The following TLCD1 variants were observed in gnomAD, a reference collection of about 807,000 sequenced individuals.
The protein encoded by TLCD1 is TLC domain containing 1, also known as TLC domain-containing protein 1.
Under a neutral mutation model 21.2 loss-of-function variants are expected in TLCD1, and 21 were observed. That is an observed-to-expected ratio of 0.99 (90% CI 0.70 to 1.42). The LOEUF (loss-of-function observed/expected upper bound fraction) is 1.42. Among genes scored for constraint, TLCD1 ranks in the 40% most tolerant of loss-of-function variants. The probability of loss-of-function intolerance (pLI) is 0.00; values close to 1 mark genes in which losing one functional copy is unlikely to be tolerated. For missense variants in TLCD1, 344 were observed against 330.3 expected (o/e 1.04, Z -0.32); for synonymous variants, 168 against 134.8 (o/e 1.25, Z -1.71).
In TLCD1 at chr17:28,726,047, C is replaced by T. The variant is rs771035141; in HGVS notation, c.51G>A (p.Leu17=). The T allele has an allele frequency of 5.1e-6, 8 of 1,565,956 alleles. No homozygotes were observed. The South Asian group carries it at 8.2e-5, about 16-fold the overall frequency. The change falls in exon 1 of 4, where the codon CTG becomes CTA. Residue 17 remains leucine (L), a synonymous_variant. Coordinates refer to ENST00000292090, the MANE Select transcript of TLCD1 (RefSeq NM_138463.4). ...PALPLLLGAT[L]TFRALRRALC... Reference sequence around the variant, plus strand: ...GCGCGCGCCGGAGCGCCCGGAAGGTCAGCGTGGCGCCCAGGAGCAGCGGCA... The same window carrying T: ...GCGCGCGCCGGAGCGCCCGGAAGGTTAGCGTGGCGCCCAGGAGCAGCGGCA...
Position 28,724,680 on chromosome 17 carries a change from G to T in TLCD1, c.574C>A (p.His192Asn), listed in dbSNP as rs2034181700. ...FRLAPQAYLT[H>N]FFLRYVNQRT... ...TGGTTCACATAACGCAAGAAGAAATGGGTGAGGTAGGCCTGAGGGGCCAGG... is the reference window on the plus strand; with the variant it reads ...TGGTTCACATAACGCAAGAAGAAATTGGTGAGGTAGGCCTGAGGGGCCAGG... Residue 192 changes from histidine (H) to asparagine (N), a missense_variant, in exon 4 of 4, where the codon CAT becomes AAT. His to Asn is a moderately conservative substitution (Grantham distance 68). Coordinates refer to ENST00000292090, the MANE Select transcript of TLCD1 (RefSeq NM_138463.4). 6.2e-7 allele frequency: 1 copy of T among 1,614,156 alleles called. No homozygotes were observed. The highest frequency in any genetic ancestry group is 8.5e-7 in the Non-Finnish European group (1 of 1,179,992).
upstream of TLCD1, among the ~76,000 whole-genome samples, chr17:28,726,539 C>G (rs1439638996): frequency 6.6e-6 from 1 of 152,064 alleles, no homozygotes; most frequent in East Asian, 1.9e-4. Flanking sequence ...CCCACTTTTC[C>G]CCGGGCCACC....
chr17:28,724,886 C>T lies in TLCD1; in HGVS notation c.368G>A (p.Gly123Asp), dbSNP rs778928878. 1.2e-6 allele frequency: 2 copies of T among 1,613,022 alleles called. No homozygotes were observed. The highest frequency in any genetic ancestry group is 8.5e-7 in the Non-Finnish European group (1 of 1,179,630). Residue 123 changes from glycine (G) to aspartate (D), a missense_variant, in exon 4 of 4, where the codon GGT becomes GAT. Coordinates refer to ENST00000292090, the MANE Select transcript of TLCD1 (RefSeq NM_138463.4). The part of the protein sequence containing the change: ...EYLVHHVMAM[G>D]AFFSGIFWSS... ...CCAAAAGATGCCGGAGAAGAAGGCA[C>T]CCATGGCCTAGAGGGAAGAAAGAAT...
rs1597799250 is a variant in TLCD1 at position 28,724,756 on chromosome 17, G to A, written c.498C>T (p.Leu166=). 5 of 1,614,186 alleles carry A rather than the reference G, an allele frequency of 3.1e-6. No individual in the cohort carries two copies. Among genetic ancestry groups the A allele is most frequent in the Non-Finnish European group, 4.2e-6 (5 of 1,180,046 alleles). ...MMKISNAQDH[L]LYRVNKYVNL... ...TCACATACTTGTTAACCCGGTAGAG[G>A]AGATGATCCTGGGCATTACTGATTT... Residue 166 remains leucine (L), a synonymous_variant, in exon 4 of 4, where the codon CTC becomes CTT. Coordinates refer to ENST00000292090, the MANE Select transcript of TLCD1 (RefSeq NM_138463.4).
At chr17:28,725,739 C>T (rs2034214559) in intron 1 of TLCD1, among the ~76,000 whole-genome samples, 165 bp downstream of exon 1, 1 of 152,236 alleles carries the variant, frequency 6.6e-6, no homozygotes, top group Admixed American at 6.5e-5. Flanking sequence ...ATCCCCCTCC[C>T]CTGGGGCCAC....
Position 28,724,485 on chromosome 17 carries a change from T to A in TLCD1, c.*25A>T, listed in dbSNP as rs779084433. On this transcript the variant is annotated 3_prime_UTR_variant, in exon 4 of 4. Transcript: ENST00000292090. ...GAAGCTGTTTCTGGCCTTGTCCGTT[T>A]TTGTTGTCCCAGGCTCTGTGCCCCT... The A allele has an allele frequency of 6.2e-6, 10 of 1,604,158 alleles. No homozygotes were observed. The highest frequency in any genetic ancestry group is 8.5e-6 in the Non-Finnish European group (10 of 1,173,206).
At position 28,724,498 on chromosome 17, in the gene TLCD1, G is replaced by C. The variant is rs745552368; in HGVS notation, c.*12C>G. On this transcript the variant is annotated 3_prime_UTR_variant, in exon 4 of 4. Transcript: ENST00000292090. ...GCCTTGTCCGTTTTTGTTGTCCCAGGCTCTGTGCCCCTCACTCAGTCAAGA... is the reference window on the plus strand; with the variant it reads ...GCCTTGTCCGTTTTTGTTGTCCCAGCCTCTGTGCCCCTCACTCAGTCAAGA... 3 of 1,610,338 alleles carry C rather than the reference G, an allele frequency of 1.9e-6. No homozygotes were observed. Among genetic ancestry groups the C allele is most frequent in the Admixed American group, 3.3e-5 (2 of 59,924 alleles).
At position 28,725,908 on chromosome 17, in the gene TLCD1, G is replaced by C; in HGVS notation, c.190C>G (p.Leu64Val). Residue 64 changes from leucine to valine, a missense_variant, in exon 1 of 4, where the codon CTG becomes GTG. Physicochemically the swap from Leu to Val is conservative, Grantham distance 32 (BLOSUM62 1). Coordinates refer to ENST00000292090, the MANE Select transcript of TLCD1 (RefSeq NM_138463.4). ...TTTCCACAGTCGCTCACTCACCACA[G>C]CAGTGCCCAGATCCCCGACACAATG... is the stretch of plus-strand genomic sequence containing the variant. Reference protein sequence around the residue: ...HSIVSGIWALLCVWQTPDMLV... With the variant: ...HSIVSGIWALVCVWQTPDMLV... 1 of 1,612,952 alleles carries C rather than the reference G, an allele frequency of 6.2e-7. No homozygotes were observed. The highest frequency in any genetic ancestry group is 8.5e-7 in the Non-Finnish European group (1 of 1,179,854).
chr17:28,725,161 C>A (rs950298210), intron 3 of TLCD1, 143 bp downstream of exon 3: 5 of 1,003,934 alleles, frequency 5.0e-6, no homozygotes, highest in Non-Finnish European at 7.3e-6. Flanking sequence ...GACTGCCAAC[C>A]TCCAGCATCC....
intron 1 of TLCD1, 97 bp from the exon 2 acceptor site, chr17:28,725,660 C>A: frequency 7.4e-7 from 1 of 1,358,788 alleles, no homozygotes; most frequent in Non-Finnish European, 1.0e-6. Flanking sequence ...CCTGGGCTCG[C>A]GCTAGTGGCT....
chr17:28,727,381 G>A (rs2034248553), upstream of TLCD1: 1 of 153,978 alleles, frequency 6.5e-6, no homozygotes, highest in African/African-American at 2.4e-5. Context: ...TCCTGGGTGA[G>A]CGGCTTTCCC....
chr17:28,725,778 A>G, intron 1 of TLCD1, 126 bp downstream of exon 1: 1 of 1,324,490 alleles, frequency 7.6e-7, no homozygotes, highest in Non-Finnish European at 1.0e-6. Context: ...AGGATACCAA[A>G]CGGGATCAGG....
At chr17:28,725,843 C>T (rs1292030075) in intron 1 of TLCD1, 61 bp downstream of exon 1, 34 of 1,564,048 alleles carry the variant, frequency 2.2e-5, no homozygotes, top group Non-Finnish European at 2.9e-5. Flanking sequence ...AACACAAGAG[C>T]CGGCCCCGGC....
upstream of TLCD1, chr17:28,726,267 C>A: frequency 8.2e-7 from 1 of 1,213,188 alleles, no homozygotes; most frequent in Non-Finnish European, 1.0e-6. Flanking sequence ...CCCTGCGAGG[C>A]CTCTGCCCCC....
rs760762807 is a variant in TLCD1 at position 28,725,349 on chromosome 17, G to C, written c.315C>G (p.Ser105Arg). Residue 105 changes from serine to arginine, a missense_variant, in exon 3 of 4, where the codon AGC becomes AGG. Physicochemically the swap from Ser to Arg is moderately radical, Grantham distance 110. Transcript: ENST00000292090. Reference protein sequence around the residue: ...FIHDTVDIVASGQTRASWEYL... With the variant: ...FIHDTVDIVARGQTRASWEYL... ...ATTCCCAAGAGGCTCGCGTCTGTCC[G>C]CTAGCCACGATGTCCACCGTATCGT... 1 of 1,613,528 alleles carries C rather than the reference G, an allele frequency of 6.2e-7. No homozygotes were observed. Among genetic ancestry groups the C allele is most frequent in the Non-Finnish European group, 8.5e-7 (1 of 1,179,980 alleles).
chr17:28,726,116 C>G lies in TLCD1; in HGVS notation c.-19G>C. 1 of 1,426,460 alleles carries G rather than the reference C, an allele frequency of 7.0e-7. No individual in the cohort carries two copies. The highest frequency in any genetic ancestry group is 9.1e-7 in the Non-Finnish European group (1 of 1,101,754). 88.4% of individuals were successfully genotyped at this position (1,426,460 alleles called of 1,614,324 possible). On this transcript the variant is annotated 5_prime_UTR_variant, in exon 1 of 4. Coordinates refer to ENST00000292090, the MANE Select transcript of TLCD1 (RefSeq NM_138463.4). ...GGGGCATGCTGGCCCTCCCTGCCGT[C>G]CGCCCTCGAGGCCGCCTCCTAGGTC...
chr17:28,725,295 C>T lies in TLCD1; in HGVS notation c.360+9G>A. The T allele has an allele frequency of 6.2e-7, 1 of 1,613,998 alleles. No homozygotes were observed. The highest frequency in any genetic ancestry group is 1.3e-5 in the African/African-American group (1 of 75,022). On this transcript the variant is annotated intron_variant, in intron 3 of 3. Transcript: ENST00000292090. The stretch of plus-strand genomic sequence containing the variant: ...CAGGCCTATACCACATAGTCTGCTT[C>T]TCTCTTACCATGACGTGATGGACAA...
At chr17:28,726,291 C>A, upstream of TLCD1, 8 of 1,147,492 alleles carry the variant, frequency 7.0e-6, no homozygotes, top group Non-Finnish European at 8.6e-6. Context: ...CCCAGCCGCC[C>A]GCGCCCCCGC....
Position 28,724,696 on chromosome 17 carries a change from A to C in TLCD1, c.558T>G (p.Pro186=). 1 of 1,614,144 alleles carries C rather than the reference A, an allele frequency of 6.2e-7. No individual in the cohort carries two copies. Residue 186 remains proline, a synonymous_variant, in exon 4 of 4, where the codon CCT becomes CCG. Coordinates refer to ENST00000292090, the MANE Select transcript of TLCD1 (RefSeq NM_138463.4). ...AGAAGAAATGGGTGAGGTAGGCCTG[A>C]GGGGCCAGGCGGAAGAGAAAGTACA... ...LVMYFLFRLA[P]QAYLTHFFLR... is the part of the protein sequence containing the mutation.
Sources: allele counts gnomAD v4.1 joint callset (sites outside exome capture counted in the v4.1 genomes callset), GRCh38; gene constraint gnomAD v4.1.1; transcripts MANE v1.5; gene names NCBI Gene and HGNC (gene_info 2026-07-23, HGNC 2026-07-21).